SHISA6: variants seen among roughly 807,000 people sequenced by gnomAD.
SHISA6 encodes protein shisa-6.
Under a neutral mutation model 47.9 loss-of-function variants are expected in SHISA6, and 22 were observed. The ratio of observed to expected loss-of-function variants is 0.46; its 90% confidence interval spans 0.33 to 0.66. SHISA6 has a LOEUF of 0.66. Ranked by LOEUF, SHISA6 falls within the 30% of genes least tolerant of loss-of-function variation. The pLI is 0.02. For synonymous variants in SHISA6, 388 were observed against 337.8 expected, an observed-to-expected ratio of 1.15 and a Z score of -1.63; for missense variants, 680 against 764.6, an observed-to-expected ratio of 0.89 and a Z score of 1.30.
intron 3 of SHISA6, among the ~76,000 whole-genome samples, chr17:11,392,911 G>A (rs1219216004): frequency 6.6e-6 from 1 of 152,200 alleles, no homozygotes. Flanking sequence ...AATAAGGCAG[G>A]TTCTTTGGCA....
intron 2 of SHISA6, among the ~76,000 whole-genome samples, chr17:11,264,780 T>C (rs892099862): frequency 5.3e-5 from 8 of 152,238 alleles, no homozygotes; most frequent in Non-Finnish European, 1.2e-4. Flanking sequence ...TTAATTTTCT[T>C]AAATTTATTA....
chr17:11,405,716 G>A (rs561799580), intron 3 of SHISA6, among the ~76,000 whole-genome samples: 5 of 152,074 alleles, frequency 3.3e-5, no homozygotes, highest in South Asian at 2.1e-4. Flanking sequence ...CAGGAGAATC[G>A]CTTTAACTCA....
chr17:11,460,830 GC>G (rs2142313374), intron 3 of SHISA6, among the ~76,000 whole-genome samples: 1 of 152,306 alleles, frequency 6.6e-6, no homozygotes, highest in East Asian at 1.9e-4. Flanking sequence ...CCTGCCACTG[GC>G]CCCAGGGCCT....
At chr17:11,321,284 C>A (rs1397320447) in intron 2 of SHISA6, among the ~76,000 whole-genome samples, 1 of 152,144 alleles carries the variant, frequency 6.6e-6, no homozygotes, top group Non-Finnish European at 1.5e-5. Flanking sequence ...TCTGTTCATA[C>A]CTCTACCTCA....
intron 3 of SHISA6, among the ~76,000 whole-genome samples, chr17:11,413,576 G>A (rs1026168350): frequency 2.0e-5 from 3 of 152,132 alleles, no homozygotes; most frequent in African/African-American, 7.2e-5. Flanking sequence ...CAGCTGGCCG[G>A]TTCTTCTCTC....
At chr17:11,406,916 G>T (rs1243862064) in intron 3 of SHISA6, among the ~76,000 whole-genome samples, 1 of 152,160 alleles carries the variant, frequency 6.6e-6, no homozygotes, top group Non-Finnish European at 1.5e-5. Flanking sequence ...AGGCACAGGT[G>T]ATTGGTTCTA....
At chr17:11,262,336 T>C (rs371903240) in intron 1 of SHISA6, among the ~76,000 whole-genome samples, 22 of 152,276 alleles carry the variant, frequency 1.4e-4, no homozygotes, top group Admixed American at 1.3e-4. Context: ...GAAGATGGAA[T>C]AGTCTTTGCC....
intron 1 of SHISA6, among the ~76,000 whole-genome samples, chr17:11,252,168 G>A (rs900905494): frequency 9.9e-5 from 15 of 152,146 alleles, no homozygotes; most frequent in South Asian, 2.1e-4. Flanking sequence ...ACCCACGGAC[G>A]CAGGAGCCCC....
At chr17:11,420,068 G>A (rs1179218277) in intron 3 of SHISA6, among the ~76,000 whole-genome samples, 1 of 152,158 alleles carries the variant, frequency 6.6e-6, no homozygotes, top group Non-Finnish European at 1.5e-5. Flanking sequence ...GCCGGGTGTG[G>A]TTGTGGGCAC....
rs1597574535 is a variant in SHISA6 at position 11,535,152 on chromosome 17, A to C, written c.896-16744A>C. Among the ~76,000 whole-genome samples the C allele has an allele frequency of 2.0e-5, 3 of 152,138 alleles. No homozygotes were observed. In the East Asian group the frequency reaches 5.8e-4, roughly 29 times the overall value. On this transcript the variant is annotated intron_variant, in intron 3 of 5. Coordinates refer to ENST00000441885, the MANE Select transcript of SHISA6 (RefSeq NM_207386.4). ...CATCTCAAAAAAAATAAAATAAAAT[A>C]GAAATAAAAGAAGGCTATGGTGCAG...
chr17:11,487,295 G>T (rs569933661), intron 3 of SHISA6, among the ~76,000 whole-genome samples: 1 of 152,192 alleles, frequency 6.6e-6, no homozygotes, highest in South Asian at 2.1e-4. Context: ...CCTGCATCAG[G>T]CATCCAGGGG....
At chr17:11,362,262 C>T (rs1003685131) in intron 2 of SHISA6, among the ~76,000 whole-genome samples, 7 of 152,058 alleles carry the variant, frequency 4.6e-5, no homozygotes, top group African/African-American at 1.7e-4. Context: ...GCCCAAGCCT[C>T]CTGAGTAGCT....
chr17:11,479,096 C>T (rs1456528729), intron 3 of SHISA6, among the ~76,000 whole-genome samples: 1 of 151,836 alleles, frequency 6.6e-6, no homozygotes, highest in Non-Finnish European at 1.5e-5. Context: ...TTAATGGTTG[C>T]CCTAGAGTTT....
chr17:11,546,691 G>A (rs1410787269), intron 3 of SHISA6, among the ~76,000 whole-genome samples: 7 of 152,254 alleles, frequency 4.6e-5, no homozygotes, highest in Middle Eastern at 6.8e-3. Flanking sequence ...GAGGCCGGGC[G>A]GGTTGATCAC....
intron 3 of SHISA6, among the ~76,000 whole-genome samples, chr17:11,397,281 T>A (rs1474349808): frequency 1.3e-5 from 2 of 152,106 alleles, no homozygotes; most frequent in African/African-American, 4.8e-5. Context: ...ACAATCAATG[T>A]GATTATTCTA....
intron 2 of SHISA6, among the ~76,000 whole-genome samples, chr17:11,378,456 A>G (rs1270468523): frequency 2.0e-5 from 3 of 152,164 alleles, no homozygotes; most frequent in South Asian, 2.1e-4. Flanking sequence ...AGGCCTGTGC[A>G]TTGTTATAGT....
At chr17:11,517,046 A>G (rs9899669) in intron 3 of SHISA6, among the ~76,000 whole-genome samples, 2,742 of 152,300 alleles carry the variant, frequency 0.018, 86 homozygotes, top group African/African-American at 0.061. Flanking sequence ...TTCTGGGTTT[A>G]ATGAGCATAT....
intron 3 of SHISA6, among the ~76,000 whole-genome samples, chr17:11,438,323 T>A (rs1250335157): frequency 2.0e-5 from 3 of 152,188 alleles, no homozygotes; most frequent in Non-Finnish European, 2.9e-5. Flanking sequence ...ACTGTATTGG[T>A]TTGCCAGGGC....
intron 2 of SHISA6, among the ~76,000 whole-genome samples, chr17:11,291,326 A>T (rs1307121395): frequency 6.6e-6 from 1 of 151,696 alleles, no homozygotes; most frequent in Non-Finnish European, 1.5e-5. Context: ...GCCATAAAAA[A>T]TTGCCAGAGA....
Sources: gnomAD v4.1 joint callset for allele counts (sites outside exome capture counted in the v4.1 genomes callset) on GRCh38, gnomAD v4.1.1 for gene constraint, MANE v1.5 for transcripts, NCBI Gene and HGNC (gene_info 2026-07-23, HGNC 2026-07-21) for gene names.